The following SLC24A3 variants were observed in gnomAD, a reference collection of about 807,000 sequenced individuals.
The protein encoded by SLC24A3 is sodium/potassium/calcium exchanger 3.
In SLC24A3, 28 loss-of-function variants were observed where a neutral mutation model predicts 75.8. The observed-to-expected ratio is 0.37, with a 90% confidence interval of 0.27 to 0.51. SLC24A3 has a LOEUF of 0.51. SLC24A3 is among the 20% of genes least tolerant of loss of function. SLC24A3 has a pLI of 0.94. For synonymous variants in SLC24A3, 372 were observed against 334.1 expected (o/e 1.11, Z -1.24); for missense variants, 663 against 847.8 (o/e 0.78, Z 2.71).
rs187910202 is a variant in SLC24A3, at chr20:19,345,831, G to A, written c.271+64744G>A. 3.6e-4 allele frequency among the ~76,000 whole-genome samples: 55 copies of A among 151,748 alleles called. 1 individual carries two copies. The highest frequency in any genetic ancestry group is 2.7e-3 in the Admixed American group (41 of 15,224). On this transcript the variant is annotated intron_variant, in intron 2 of 16. Coordinates refer to ENST00000328041, the MANE Select transcript of SLC24A3 (RefSeq NM_020689.4). ...TAGTGAAAAGGGAACACTTTTACAC[G>A]GTTGGTGGGAAGGTAAAATAGTACC...
rs2032649458 is a variant in SLC24A3, at chr20:19,684,396, GAGA to G, written c.1062+63_1062+65del. ...CAGGGGTGGGAAACTCTGGGAAGGAGAGAAGGTTTCTTGTTTGAAAGAAGAAGC... is the reference window on the plus strand; with the variant it reads ...CAGGGGTGGGAAACTCTGGGAAGGAGAGGTTTCTTGTTTGAAAGAAGAAGC... On this transcript the variant is annotated intron_variant, in intron 11 of 16. Transcript: ENST00000328041. The G allele has an allele frequency of 1.6e-5, 24 of 1,533,646 alleles. No homozygotes were observed. The South Asian group carries it at 2.4e-4, about 15-fold the overall frequency.
intron 6 of SLC24A3, among the ~76,000 whole-genome samples, chr20:19,634,505 A>G (rs2031975707): frequency 6.6e-6 from 1 of 152,208 alleles, no homozygotes; most frequent in Non-Finnish European, 1.5e-5. Context: ...TAATACCTCA[A>G]AACCAGTAAC....
At chr20:19,405,993 C>G (rs1006935588) in intron 2 of SLC24A3, among the ~76,000 whole-genome samples, 1 of 152,178 alleles carries the variant, frequency 6.6e-6, no homozygotes, top group Non-Finnish European at 1.5e-5. Context: ...CTAAAAGGAA[C>G]TTCTGAAAAT....
intron 3 of SLC24A3, among the ~76,000 whole-genome samples, chr20:19,542,005 A>G (rs2030506803): frequency 1.3e-5 from 2 of 152,224 alleles, no homozygotes; most frequent in Admixed American, 6.5e-5. Flanking sequence ...GCAATACCAA[A>G]TGAGAATCCA....
At chr20:19,691,987 G>A (rs1346325782) in intron 12 of SLC24A3, among the ~76,000 whole-genome samples, 2 of 152,132 alleles carry the variant, frequency 1.3e-5, no homozygotes, top group African/African-American at 4.8e-5. Context: ...CTGTGCCTCG[G>A]CCCTTTAAGA....
chr20:19,604,403 A>G (rs936106499), intron 6 of SLC24A3, among the ~76,000 whole-genome samples: 2 of 152,190 alleles, frequency 1.3e-5, no homozygotes, highest in Non-Finnish European at 2.9e-5. Context: ...TGAGGCAGGA[A>G]CAGAGTGACT....
intron 2 of SLC24A3, among the ~76,000 whole-genome samples, chr20:19,482,551 G>T (rs781617958): frequency 6.6e-6 from 1 of 152,218 alleles, no homozygotes; most frequent in Non-Finnish European, 1.5e-5. Flanking sequence ...CTTTCACACT[G>T]CATGGTAATC....
chr20:19,527,689 C>A (rs2122571751), intron 3 of SLC24A3, among the ~76,000 whole-genome samples: 1 of 152,284 alleles, frequency 6.6e-6, no homozygotes, highest in Non-Finnish European at 1.5e-5. Context: ...CAGCAGAGAC[C>A]CTGCCCTGCA....
chr20:19,305,666 C>T (rs1374179798), intron 2 of SLC24A3, among the ~76,000 whole-genome samples: 1 of 152,070 alleles, frequency 6.6e-6, no homozygotes, highest in Non-Finnish European at 1.5e-5. Flanking sequence ...GGACTCCTTA[C>T]GCGATAAACG....
chr20:19,555,589 A>G (rs745948892), intron 3 of SLC24A3, among the ~76,000 whole-genome samples: 7 of 152,208 alleles, frequency 4.6e-5, no homozygotes, highest in Non-Finnish European at 8.8e-5. Context: ...TAATGGCACC[A>G]GTGACTTGTT....
intron 3 of SLC24A3, among the ~76,000 whole-genome samples, chr20:19,543,713 G>A (rs146817005): frequency 6.6e-5 from 10 of 152,292 alleles, no homozygotes; most frequent in East Asian, 5.8e-4. Flanking sequence ...TGCTTTGTGC[G>A]TAGCCAACCC....
At chr20:19,372,609 C>G (rs1383964182) in intron 2 of SLC24A3, among the ~76,000 whole-genome samples, 3 of 152,180 alleles carry the variant, frequency 2.0e-5, no homozygotes, top group African/African-American at 7.2e-5. Flanking sequence ...AACAAACAGA[C>G]TAACCAAACC....
At chr20:19,503,509 T>A (rs971936166) in intron 2 of SLC24A3, among the ~76,000 whole-genome samples, 1 of 152,200 alleles carries the variant, frequency 6.6e-6, no homozygotes, top group African/African-American at 2.4e-5. Flanking sequence ...TCAGGAGTAA[T>A]TTGCAGATTC....
chr20:19,275,682 G>A (rs868523339), intron 1 of SLC24A3, among the ~76,000 whole-genome samples: 4 of 152,144 alleles, frequency 2.6e-5, no homozygotes, highest in Admixed American at 6.5e-5. Context: ...GCACAAAAGG[G>A]TGAGCACACA....
At chr20:19,652,237 T>TA (rs903918368) in intron 6 of SLC24A3, among the ~76,000 whole-genome samples, 67 of 152,348 alleles carry the variant, frequency 4.4e-4, no homozygotes, top group African/African-American at 1.6e-3. Flanking sequence ...ATTATCTTGT[T>TA]ACGGTATAAC....
intron 15 of SLC24A3, among the ~76,000 whole-genome samples, chr20:19,705,206 A>G (rs1054094453): frequency 1.3e-5 from 2 of 152,314 alleles, no homozygotes; most frequent in African/African-American, 4.8e-5. Flanking sequence ...TTTCTATCCT[A>G]AAAGTACCAA....
intron 6 of SLC24A3, among the ~76,000 whole-genome samples, chr20:19,633,458 GC>G (rs1429206804): frequency 6.6e-6 from 1 of 151,910 alleles, no homozygotes; most frequent in Non-Finnish European, 1.5e-5. Flanking sequence ...GACCATCCCG[GC>G]TAAACCGGTG....
chr20:19,651,725 G>T (rs959196217), intron 6 of SLC24A3, among the ~76,000 whole-genome samples: 2 of 151,996 alleles, frequency 1.3e-5, no homozygotes, highest in Non-Finnish European at 1.5e-5. Flanking sequence ...GCCAGGCGTG[G>T]TGGTGGGCGC....
chr20:19,373,329 C>G (rs1208970698), intron 2 of SLC24A3, among the ~76,000 whole-genome samples: 1 of 152,242 alleles, frequency 6.6e-6, no homozygotes, highest in Non-Finnish European at 1.5e-5. Context: ...ATGGTCACCT[C>G]CTCTGCAAAG....
Sources: gnomAD v4.1 joint callset for allele counts (sites outside exome capture counted in the v4.1 genomes callset) on GRCh38, gnomAD v4.1.1 for gene constraint, MANE v1.5 for transcripts, NCBI Gene and HGNC (gene_info 2026-07-23, HGNC 2026-07-21) for gene names.